IL18BP: variants seen among roughly 807,000 people sequenced by gnomAD.
IL18BP encodes the protein interleukin-18-binding protein.
IL18BP carries 23 observed loss-of-function variants against 19.9 expected under a neutral mutation model. The ratio of observed to expected loss-of-function variants is 1.15; its 90% CI spans 0.83 to 1.64. The LOEUF (loss-of-function observed/expected upper bound fraction) is 1.64. Among genes scored for constraint, IL18BP ranks in the 40% most tolerant of loss-of-function variants. The pLI is 0.00. For synonymous variants in IL18BP, 107 were observed against 101.0 expected, an observed-to-expected ratio of 1.06 and a Z score of -0.35; for missense variants, 239 against 240.7, an observed-to-expected ratio of 0.99 and a Z score of 0.05.
downstream of IL18BP, chr11:72,007,595 T>TGGGC (rs1955829932): frequency 1.1e-6 from 1 of 877,200 alleles, no homozygotes; most frequent in Non-Finnish European, 1.8e-6. Flanking sequence ...GCACTTGACC[T>TGGGC]GGGCCTTCCT....
downstream of IL18BP, chr11:72,007,847 C>T (rs536538846): frequency 3.4e-5 from 12 of 350,166 alleles, no homozygotes; most frequent in East Asian, 2.2e-4. Context: ...AGCCCAATCA[C>T]CAAGCTTCCT....
chr11:72,008,136 T>C (rs765191131), downstream of IL18BP: 29 of 479,294 alleles, frequency 6.1e-5, no homozygotes, highest in South Asian at 4.3e-4. Context: ...TTGTCATGAG[T>C]GCTTTATGTC....
At chr11:72,007,313 G>A (rs1431075231), downstream of IL18BP, 24 of 1,613,422 alleles carry the variant, frequency 1.5e-5, no homozygotes, top group Non-Finnish European at 2.0e-5. Context: ...CTGACTCCGA[G>A]CAGGGATGGG....
downstream of IL18BP, chr11:72,004,822 T>G: frequency 6.4e-7 from 1 of 1,561,252 alleles, no homozygotes; most frequent in Middle Eastern, 1.7e-4. Context: ...GAAGGCTGCA[T>G]GGGTGGAAGA....
chr11:72,003,699 G>A, downstream of IL18BP: 2 of 1,042,282 alleles, frequency 1.9e-6, no homozygotes, highest in Non-Finnish European at 2.9e-6. Context: ...AGCTCTGGGT[G>A]CTCTCCATGA....
downstream of IL18BP, chr11:72,005,620 C>T: frequency 1.9e-6 from 1 of 522,506 alleles, no homozygotes; most frequent in Non-Finnish European, 3.3e-6. Context: ...TCTTACTCAC[C>T]TGCCAAGGCT....
chr11:72,004,137 T>C, downstream of IL18BP: 1 of 1,611,500 alleles, frequency 6.2e-7, no homozygotes, highest in Non-Finnish European at 8.5e-7. Flanking sequence ...GACCCAATGC[T>C]GCCTTCCCAG....
chr11:72,007,774 CGCCCCCCACTCA>C, downstream of IL18BP: 1 of 383,674 alleles, frequency 2.6e-6, no homozygotes, highest in South Asian at 2.4e-5. Flanking sequence ...TGAATAGGAA[CGCCCCCCACTCA>C]GGCCCCCAAG....
downstream of IL18BP, chr11:72,004,835 T>C (rs369982404): frequency 2.8e-5 from 44 of 1,550,594 alleles, no homozygotes; most frequent in Non-Finnish European, 3.6e-5. Context: ...GTGGAAGAGG[T>C]GGTCAGTGGA....
chr11:72,001,138 A>T (rs1955201398), intron 3 of IL18BP, 63 bp from the exon 4 acceptor site: 1 of 1,604,736 alleles, frequency 6.2e-7, no homozygotes, highest in African/African-American at 1.3e-5. Context: ...GGGAGGGCAC[A>T]GCAGAGCAGG....
chr11:72,007,819 A>G (rs1410441431), downstream of IL18BP: 1 of 356,140 alleles, frequency 2.8e-6, no homozygotes, highest in South Asian at 2.4e-5. Flanking sequence ...GCATAATCCA[A>G]TGTCGTCCTG....
chr11:72,001,933 CA>C lies in IL18BP; in HGVS notation c.*73del, dbSNP rs1955274126. Reference sequence around the variant, plus strand: ...GTCCTACCTGTCTACCTGGAGTGAACAGTCCCTGACTGCCTGTAGGCTGCGT... The same window carrying C: ...GTCCTACCTGTCTACCTGGAGTGAACGTCCCTGACTGCCTGTAGGCTGCGT... On this transcript the variant is annotated 3_prime_UTR_variant, in exon 6 of 6. Coordinates refer to ENST00000393703, the MANE Select transcript of IL18BP (RefSeq NM_001039660.2). The C allele has an allele frequency of 6.2e-7, 1 of 1,600,070 alleles. No homozygotes were observed. Among genetic ancestry groups the C allele is most frequent in the Non-Finnish European group, 8.5e-7 (1 of 1,172,668 alleles).
At chr11:72,003,990 G>C (rs930142260), downstream of IL18BP, 3 of 1,613,464 alleles carry the variant, frequency 1.9e-6, no homozygotes, top group Non-Finnish European at 2.5e-6. Context: ...GCGAGTGTTG[G>C]GGGAAGCCTT....
At chr11:72,003,515 G>A (rs759270600), downstream of IL18BP, 7 of 1,613,936 alleles carry the variant, frequency 4.3e-6, no homozygotes, top group South Asian at 6.6e-5. Flanking sequence ...GCCACTCACT[G>A]GTACTGGCCC....
downstream of IL18BP, chr11:72,003,361 A>G: frequency 1.4e-6 from 1 of 693,260 alleles, no homozygotes; most frequent in Non-Finnish European, 2.6e-6. Flanking sequence ...GGCGCCAGTG[A>G]AGGACCAGGG....
downstream of IL18BP, chr11:72,005,411 G>A (rs766778126): frequency 3.0e-5 from 47 of 1,589,218 alleles, no homozygotes; most frequent in Middle Eastern, 3.3e-4. Context: ...GCCTGGAGTC[G>A]GCAGGTCACC....
chr11:71,999,386 A>G (rs1955091929), intron 1 of IL18BP: 2 of 281,846 alleles, frequency 7.1e-6, no homozygotes, highest in Admixed American at 9.8e-5. Flanking sequence ...AGACTCATCT[A>G]GTTCATACCC....
intron 1 of IL18BP, 74 bp downstream of exon 1, chr11:71,999,093 T>A (rs1347414964): frequency 2.0e-6 from 1 of 499,362 alleles, no homozygotes; most frequent in African/African-American, 2.0e-5. Flanking sequence ...AGACAGAGGG[T>A]GTGATGGTGG....
intron 2 of IL18BP, 147 bp from the exon 3 acceptor site, chr11:72,000,204 A>G: frequency 1.2e-6 from 1 of 860,668 alleles, no homozygotes; most frequent in Non-Finnish European, 1.9e-6. Context: ...TGTTCAATAA[A>G]GGGCTAAGGG....
Sources: gnomAD v4.1 joint callset for allele counts on GRCh38, gnomAD v4.1.1 for gene constraint, MANE v1.5 for transcripts, NCBI Gene and HGNC (gene_info 2026-07-23, HGNC 2026-07-21) for gene names.